The following CMIP variants were observed in gnomAD, a reference collection of about 807,000 sequenced individuals.
The protein encoded by CMIP is c-Maf inducing protein.
A neutral mutation model predicts 97.3 loss-of-function variants in CMIP; 13 were observed. That is an observed-to-expected ratio of 0.13 (90% CI 0.09 to 0.21). The LOEUF is 0.21. Among genes scored for constraint, CMIP ranks in the 10% least tolerant of loss-of-function variants. The pLI is 1.00. For missense variants in CMIP, 847 were observed against 1,024.9 expected, an observed-to-expected ratio of 0.83 and a Z score of 2.37; for synonymous variants, 538 against 436.3, an observed-to-expected ratio of 1.23 and a Z score of -2.91.
chr16:81,515,801 C>T (rs1381341472), intron 1 of CMIP, among the ~76,000 whole-genome samples: 2 of 152,158 alleles, frequency 1.3e-5, no homozygotes, highest in African/African-American at 2.4e-5. Context: ...TCCCAGGCTC[C>T]CGTGTCACTG....
At chr16:81,448,469 T>C (rs1234289926) in intron 1 of CMIP, among the ~76,000 whole-genome samples, 1 of 152,222 alleles carries the variant, frequency 6.6e-6, no homozygotes, top group African/African-American at 2.4e-5. Flanking sequence ...TGACACCGGC[T>C]AGGTACACCT....
intron 9 of CMIP, among the ~76,000 whole-genome samples, chr16:81,672,365 A>G (rs149753904): frequency 6.6e-6 from 1 of 152,344 alleles, no homozygotes; most frequent in East Asian, 1.9e-4. Flanking sequence ...CTGGAGAGGT[A>G]TGACACACTG....
chr16:81,632,655 C>T (rs1597171167), intron 3 of CMIP, among the ~76,000 whole-genome samples: 1 of 152,200 alleles, frequency 6.6e-6, no homozygotes, highest in Admixed American at 6.5e-5. Flanking sequence ...GGTTTGCTGC[C>T]CAGGCCTCGC....
intron 1 of CMIP, among the ~76,000 whole-genome samples, chr16:81,557,124 G>A (rs2090779036): frequency 6.6e-6 from 1 of 152,178 alleles, no homozygotes; most frequent in African/African-American, 2.4e-5. Flanking sequence ...TGGGTGAGAG[G>A]GCTACCAGAA....
intron 3 of CMIP, among the ~76,000 whole-genome samples, chr16:81,648,796 A>G (rs2092394529): frequency 5.9e-5 from 3 of 50,514 alleles, no homozygotes; most frequent in African/African-American, 1.7e-4. Flanking sequence ...AAAAAAAAAA[A>G]AAAAAAAAAA....
chr16:81,568,165 A>T (rs1411528914), intron 1 of CMIP, among the ~76,000 whole-genome samples: 1 of 151,724 alleles, frequency 6.6e-6, no homozygotes. Flanking sequence ...TGATGGGAGA[A>T]TCCGTAGGCT....
chr16:81,525,676 T>C lies in CMIP; in HGVS notation c.300+80135T>C, dbSNP rs202105970. Among the ~76,000 whole-genome samples the C allele has an allele frequency of 4.6e-5, 7 of 152,276 alleles. No individual in the cohort carries two copies. In the East Asian group the frequency reaches 1.3e-3, roughly 29 times the overall value. On this transcript the variant is annotated intron_variant, in intron 1 of 20. Transcript: ENST00000537098. ...TAAATGTTAAAGTTCGTTGAGTACA[T>C]TCATATTGTCATGCGACCATCCACC...
At position 81,678,490 on chromosome 16, in the gene CMIP, C is replaced by A. The variant is rs202217278; in HGVS notation, c.1250C>A (p.Thr417Lys). 35 of 1,597,840 alleles carry A rather than the reference C, an allele frequency of 2.2e-5. No individual in the cohort carries two copies. The highest frequency in any genetic ancestry group is 2.6e-6 in the Non-Finnish European group (3 of 1,173,168). The change falls in exon 10 of 21, where the codon ACG (threonine) becomes AAG (lysine). Residue 417 changes from threonine to lysine, a missense_variant. Physicochemically the swap from Thr to Lys is moderately conservative, Grantham distance 78. Around this residue, in one of 4 missense-constraint regions of CMIP, gnomAD observed 202 missense variants for 168.7 expected, o/e 1.20. Transcript: ENST00000537098. ...ACCAGCACTGCCAAGCCGGCGCTGA[C>A]GGCCAGCGCAGGCAACGACAGCGAG... Reference protein sequence around the residue: ...ERTSTAKPALTASAGNDSEPN... With the variant: ...ERTSTAKPALKASAGNDSEPN...
chr16:81,564,965 T>G (rs2090953187), intron 1 of CMIP, among the ~76,000 whole-genome samples: 3 of 142,746 alleles, frequency 2.1e-5, no homozygotes, highest in Non-Finnish European at 3.1e-5. Context: ...CTGTGGGGGG[T>G]GGGCATTGCA....
At chr16:81,505,068 G>A (rs1037741820) in intron 1 of CMIP, among the ~76,000 whole-genome samples, 8 of 152,254 alleles carry the variant, frequency 5.3e-5, no homozygotes, top group Non-Finnish European at 1.2e-4. Flanking sequence ...CATGCTAAAT[G>A]TCCAGGGCAC....
rs766170146 is a variant in CMIP at position 81,691,756 on chromosome 16, T to C, written c.1389-19T>C. The C allele has an allele frequency of 1.2e-6, 2 of 1,612,010 alleles. No individual in the cohort carries two copies. The highest frequency in any genetic ancestry group is 1.7e-6 in the Non-Finnish European group (2 of 1,178,292). Reference sequence around the variant, plus strand: ...TCCTTGTCCCAACCAAAGCTGACTGTCACCCTCTCTCATTCTAGGTCAGAC... The same window carrying C: ...TCCTTGTCCCAACCAAAGCTGACTGCCACCCTCTCTCATTCTAGGTCAGAC... On this transcript the variant is annotated intron_variant, in intron 10 of 20. Coordinates refer to ENST00000537098, the MANE Select transcript of CMIP (RefSeq NM_198390.3).
chr16:81,502,694 A>G (rs1326454613), intron 1 of CMIP, among the ~76,000 whole-genome samples: 2 of 152,206 alleles, frequency 1.3e-5, no homozygotes, highest in Non-Finnish European at 2.9e-5. Flanking sequence ...CGTTATCATC[A>G]TATTCCCATT....
At chr16:81,644,375 G>C (rs937542576) in intron 3 of CMIP, among the ~76,000 whole-genome samples, 4 of 152,216 alleles carry the variant, frequency 2.6e-5, no homozygotes, top group Non-Finnish European at 4.4e-5. Context: ...TAAGGCCAGG[G>C]GGCTGTGTTT....
At chr16:81,564,281 T>C (rs2090939341) in intron 1 of CMIP, among the ~76,000 whole-genome samples, 1 of 152,132 alleles carries the variant, frequency 6.6e-6, no homozygotes, top group South Asian at 2.1e-4. Flanking sequence ...CACCCCTACT[T>C]CCAACCCCAC....
chr16:81,647,472 C>G (rs905466351), intron 3 of CMIP, among the ~76,000 whole-genome samples: 4 of 152,174 alleles, frequency 2.6e-5, no homozygotes, highest in African/African-American at 7.2e-5. Flanking sequence ...TGCTCTAAGT[C>G]AGCCCCTTTC....
intron 1 of CMIP, among the ~76,000 whole-genome samples, chr16:81,501,414 G>A (rs552889091): frequency 2.0e-5 from 3 of 152,130 alleles, no homozygotes; most frequent in African/African-American, 2.4e-5. Context: ...CCTGTGCCAC[G>A]CATTGTATCG....
rs369185448 is a variant in CMIP, at chr16:81,593,348, G to A, written c.301-14219G>A. Among the ~76,000 whole-genome samples, 559 of 152,140 alleles carry A rather than the reference G, an allele frequency of 3.7e-3. 5 individuals carry two copies. Among genetic ancestry groups the A allele is most frequent in the Non-Finnish European group, 6.4e-3 (432 of 67,972 alleles). On this transcript the variant is annotated intron_variant, in intron 1 of 20. Coordinates refer to ENST00000537098, the MANE Select transcript of CMIP (RefSeq NM_198390.3). ...TATTGTAGGCTTGGTTGAGATTGGC[G>A]AGAGGTGGTGTTGTGCCTAGCCTGG...
rs137945623 is a variant in CMIP, at chr16:81,658,852, C to A, written c.681+1036C>A. On this transcript the variant is annotated intron_variant, in intron 5 of 20. Transcript: ENST00000537098. ...ACAAGAGCAGCATCAGTCACTAGGC[C>A]CCTCACGCTCCTCTAGCCGAATCAG... Among the ~76,000 whole-genome samples, 348 of 152,310 alleles carry A rather than the reference C, an allele frequency of 2.3e-3. 1 individual carries two copies. The highest frequency in any genetic ancestry group is 7.8e-3 in the African/African-American group (323 of 41,564).
At chr16:81,546,644 A>T (rs2090551608) in intron 1 of CMIP, among the ~76,000 whole-genome samples, 1 of 152,138 alleles carries the variant, frequency 6.6e-6, no homozygotes, top group Admixed American at 6.5e-5. Context: ...TCGTGGAGAA[A>T]ATTGAAGTCA....
Sources: allele counts gnomAD v4.1 joint callset (sites outside exome capture counted in the v4.1 genomes callset), GRCh38; gene constraint gnomAD v4.1.1; regional missense constraint gnomAD v4.1.1; transcripts MANE v1.5; gene names NCBI Gene and HGNC (gene_info 2026-07-23, HGNC 2026-07-21).